The following NSMCE2 variants were observed in gnomAD, a reference collection of about 807,000 sequenced individuals.
NSMCE2 encodes the protein E3 SUMO-protein ligase NSE2.
NSMCE2 carries 24 observed loss-of-function variants against 23.8 expected under a neutral mutation model. The ratio of observed to expected loss-of-function variants is 1.01; its 90% CI spans 0.73 to 1.42. The LOEUF (loss-of-function observed/expected upper bound fraction) is 1.42, where lower values mean the gene tolerates loss of function less well. Ranked by LOEUF, NSMCE2 falls within the 40% of genes most tolerant of loss-of-function variation. NSMCE2 has a pLI of 0.00. For synonymous variants in NSMCE2, 92 were observed against 94.1 expected (o/e 0.98, Z 0.13); for missense variants, 284 against 296.5 (o/e 0.96, Z 0.31).
chr8:125,172,091 G>A (rs566033724), intron 4 of NSMCE2, among the ~76,000 whole-genome samples: 1 of 152,318 alleles, frequency 6.6e-6, no homozygotes, highest in Admixed American at 6.5e-5. Flanking sequence ...TTGATTGTCT[G>A]AGTGGTGAAG....
intron 5 of NSMCE2, among the ~76,000 whole-genome samples, chr8:125,263,643 T>G (rs1826792274): frequency 6.6e-6 from 1 of 151,744 alleles, no homozygotes; most frequent in Non-Finnish European, 1.5e-5. Context: ...CCAGCTACTC[T>G]GGAGGTTGAG....
intron 3 of NSMCE2, among the ~76,000 whole-genome samples, chr8:125,126,174 G>A (rs1284568136): frequency 6.6e-6 from 1 of 152,084 alleles, no homozygotes; most frequent in Non-Finnish European, 1.5e-5. Flanking sequence ...CTTGAGGTCA[G>A]GAGTTCGAGA....
chr8:125,104,089 C>T (rs1818336229), intron 3 of NSMCE2, among the ~76,000 whole-genome samples: 1 of 151,314 alleles, frequency 6.6e-6, no homozygotes, highest in African/African-American at 2.4e-5. Flanking sequence ...CTCCCGGGTT[C>T]AAGCGATTCT....
intron 5 of NSMCE2, among the ~76,000 whole-genome samples, chr8:125,246,277 A>G (rs1825958246): frequency 6.6e-6 from 1 of 150,716 alleles, no homozygotes; most frequent in Non-Finnish European, 1.5e-5. Flanking sequence ...TCCGCCTCCC[A>G]GGTTCAAGCA....
chr8:125,266,611 T>C (rs1826928448), intron 5 of NSMCE2, among the ~76,000 whole-genome samples: 1 of 152,246 alleles, frequency 6.6e-6, no homozygotes, highest in African/African-American at 2.4e-5. Flanking sequence ...AATAGAATGC[T>C]GTCTCCAACT....
At chr8:125,307,184 G>A (rs1828798907) in intron 5 of NSMCE2, among the ~76,000 whole-genome samples, 1 of 152,136 alleles carries the variant, frequency 6.6e-6, no homozygotes. Flanking sequence ...TCAATTTCAA[G>A]CCCCATAGCT....
intron 5 of NSMCE2, among the ~76,000 whole-genome samples, chr8:125,229,832 A>T (rs1451171923): frequency 3.9e-5 from 6 of 152,120 alleles, no homozygotes; most frequent in Admixed American, 3.3e-4. Flanking sequence ...ATAAATTTTT[A>T]AAATGTTTAA....
chr8:125,277,472 A>G, intron 5 of NSMCE2, among the ~76,000 whole-genome samples: 1 of 152,204 alleles, frequency 6.6e-6, no homozygotes. Context: ...GTGTTTGCAC[A>G]AAGGTAAAAC....
chr8:125,291,175 A>T (rs1051844857), intron 5 of NSMCE2, among the ~76,000 whole-genome samples: 1 of 152,178 alleles, frequency 6.6e-6, no homozygotes, highest in Admixed American at 6.6e-5. Flanking sequence ...GAGGTAGGTG[A>T]TGGTGTTAAA....
At chr8:125,326,120 G>C (rs569207050) in intron 5 of NSMCE2, among the ~76,000 whole-genome samples, 1 of 151,916 alleles carries the variant, frequency 6.6e-6, no homozygotes, top group Non-Finnish European at 1.5e-5. Context: ...AGCTGGGTGC[G>C]GTGGCAGGCG....
intron 5 of NSMCE2, among the ~76,000 whole-genome samples, chr8:125,222,194 G>A (rs1216384143): frequency 2.6e-5 from 4 of 151,718 alleles, no homozygotes; most frequent in Admixed American, 6.6e-5. Context: ...AAAAAGATTA[G>A]GTATAAGGAT....
At chr8:125,198,354 T>C (rs572547621) in intron 5 of NSMCE2, among the ~76,000 whole-genome samples, 1 of 152,334 alleles carries the variant, frequency 6.6e-6, no homozygotes, top group South Asian at 2.1e-4. Flanking sequence ...TATTTTGAGA[T>C]ATGTTGCATC....
At chr8:125,156,113 CTT>C (rs1440427453) in intron 4 of NSMCE2, 1 of 309,466 alleles carries the variant, frequency 3.2e-6, no homozygotes, top group Admixed American at 4.8e-5. Flanking sequence ...GACTCCATCT[CTT>C]TAAAAAAAAA....
In NSMCE2 at chr8:125,231,971, C is replaced by G. The variant is rs371332983; in HGVS notation, c.418+49715C>G. On this transcript the variant is annotated intron_variant, in intron 5 of 7. Transcript: ENST00000287437. ...AATTAATTAATGAAATGAAAGTCAC[C>G]TGACTCCTCTGAACCTCGTGTTTCT... 3.0e-4 allele frequency among the ~76,000 whole-genome samples: 46 copies of G among 152,276 alleles called. No individual in the cohort carries two copies. The South Asian group carries it at 4.6e-3, about 15-fold the overall frequency.
chr8:125,333,505 C>CTTTT lies in NSMCE2; in HGVS notation c.419-23690_419-23687dup, dbSNP rs71295847. Reference sequence around the variant, plus strand: ...TTCTAATGTAGTTTTCCTGGTGGTTCTTTTTTTTTTTTTTTTTTTTTTTTT... The same window carrying CTTTT: ...TTCTAATGTAGTTTTCCTGGTGGTTCTTTTTTTTTTTTTTTTTTTTTTTTTTTTT... On this transcript the variant is annotated intron_variant, in intron 5 of 7. Transcript: ENST00000287437. 3.2e-3 allele frequency among the ~76,000 whole-genome samples: 147 copies of CTTTT among 45,628 alleles called. 40 individuals carry two copies. Among genetic ancestry groups the CTTTT allele is most frequent in the African/African-American group, 8.5e-3 (90 of 10,594 alleles). The allele number at this position is 45,628 out of a possible 152,430, so 29.9% of individuals were successfully genotyped here. A position where few individuals can be genotyped will look rare whatever the true frequency, so the allele number is the denominator to read the frequency against.
chr8:125,320,698 A>T (rs1397924026), intron 5 of NSMCE2, among the ~76,000 whole-genome samples: 1 of 152,204 alleles, frequency 6.6e-6, no homozygotes, highest in Non-Finnish European at 1.5e-5. Context: ...ACATACAAAC[A>T]ATAAAAGAAT....
At chr8:125,325,945 T>G (rs893596856) in intron 5 of NSMCE2, among the ~76,000 whole-genome samples, 1 of 147,830 alleles carries the variant, frequency 6.8e-6, no homozygotes, top group Non-Finnish European at 1.5e-5. Flanking sequence ...AGAGTGAAAC[T>G]CCGTCTCAAA....
chr8:125,175,165 A>G (rs1338676445), intron 4 of NSMCE2, among the ~76,000 whole-genome samples: 1 of 152,156 alleles, frequency 6.6e-6, no homozygotes, highest in Non-Finnish European at 1.5e-5. Context: ...GTGTTGGCCT[A>G]TATAAATTTA....
intron 3 of NSMCE2, among the ~76,000 whole-genome samples, chr8:125,146,498 A>G (rs902480954): frequency 1.3e-5 from 2 of 152,206 alleles, no homozygotes; most frequent in East Asian, 3.8e-4. Flanking sequence ...AACCAACCCA[A>G]ATGTCCAACA....
Sources: allele counts gnomAD v4.1 joint callset (sites outside exome capture counted in the v4.1 genomes callset), GRCh38; gene constraint gnomAD v4.1.1; transcripts MANE v1.5; gene names NCBI Gene and HGNC (gene_info 2026-07-23, HGNC 2026-07-21).